The following PARP1 variants were observed in gnomAD, a reference collection of about 807,000 sequenced individuals.
PARP1 encodes poly [ADP-ribose] polymerase 1.
A neutral mutation model predicts 118.7 loss-of-function variants in PARP1; 44 were observed. The ratio of observed to expected loss-of-function variants is 0.37; its 90% CI spans 0.29 to 0.48. The LOEUF (loss-of-function observed/expected upper bound fraction) is 0.48. Among genes scored for constraint, PARP1 ranks in the 20% least tolerant of loss-of-function variants. PARP1 has a pLI of 0.99. For missense variants in PARP1, 1,100 were observed against 1,272.4 expected (o/e 0.86, Z 2.06); for synonymous variants, 492 against 483.2 (o/e 1.02, Z -0.24).
At position 226,380,078 on chromosome 1, in the gene PARP1, A is replaced by G. The variant is rs2102735591; in HGVS notation, c.1387T>C (p.Ser463Pro). Reference protein sequence around the residue: ...VVSEDFLQDVSASTKSLQELF... With the variant: ...VVSEDFLQDVPASTKSLQELF... Reference sequence around the variant, plus strand: ...TCCTGAAGGCTCTTGGTGGAGGCGGAGACGTCCTGGAGGAAGTCCTCAGAC... The same window carrying G: ...TCCTGAAGGCTCTTGGTGGAGGCGGGGACGTCCTGGAGGAAGTCCTCAGAC... Residue 463 changes from serine (S) to proline (P), a missense_variant, in exon 10 of 23, where the codon TCC (serine) becomes CCC (proline). By Grantham distance (74) the Ser-to-Pro change is moderately conservative. Around this residue, in one of 2 missense-constraint regions of PARP1, gnomAD observed 948 missense variants for 1,031.8 expected, o/e 0.92. Coordinates refer to ENST00000366794, the MANE Select transcript of PARP1 (RefSeq NM_001618.4). The G allele has an allele frequency of 3.1e-6, 5 of 1,614,212 alleles. No homozygotes were observed. Among genetic ancestry groups the G allele is most frequent in the Non-Finnish European group, 4.2e-6 (5 of 1,180,030 alleles).
At chr1:226,363,518 G>A (rs538714731) in intron 20 of PARP1, among the ~76,000 whole-genome samples, 2 of 152,296 alleles carry the variant, frequency 1.3e-5, no homozygotes, top group Admixed American at 6.5e-5. Context: ...GACTAGGGTC[G>A]ATGTCCAAAT....
Position 226,406,373 on chromosome 1 carries a change from C to A in PARP1, c.120+1437G>T, listed in dbSNP as rs1041278438. 2.6e-5 allele frequency among the ~76,000 whole-genome samples: 4 copies of A among 152,360 alleles called. No individual in the cohort carries two copies. The South Asian group carries it at 8.3e-4, about 32-fold the overall frequency. The stretch of plus-strand genomic sequence containing the variant: ...TGCACCAGGAGTGAGAACTTCATAA[C>A]AGGCTGCCTTGTATATTCAAAGTAA... On this transcript the variant is annotated intron_variant, in intron 1 of 22. Coordinates refer to ENST00000366794, the MANE Select transcript of PARP1 (RefSeq NM_001618.4).
At position 226,362,005 on chromosome 1, in the gene PARP1, GA is replaced by G. The variant is rs1232323718; in HGVS notation, c.2926del (p.Ser976HisfsTer4). The G allele has an allele frequency of 6.2e-7, 1 of 1,611,324 alleles. No homozygotes were observed. The highest frequency in any genetic ancestry group is 8.5e-7 in the Non-Finnish European group (1 of 1,177,428). On this transcript the variant is annotated frameshift_variant, in exon 22 of 23. Coordinates refer to ENST00000366794, the MANE Select transcript of PARP1 (RefSeq NM_001618.4). LOFTEE classifies it high-confidence loss of function. ...TAGAGAGGTGTCATTCACACCAGAT[GA>G]AATCCCGGTCCCAAGAGGAACGTCT... ...GVDVPLGTGI[S>X]SGVNDTSLLY...
intron 13 of PARP1, among the ~76,000 whole-genome samples, chr1:226,376,260 A>T (rs1337025646): frequency 6.6e-6 from 1 of 152,246 alleles, no homozygotes; most frequent in Non-Finnish European, 1.5e-5. Flanking sequence ...AAAAGTGATA[A>T]ATTTTCATTT....
intron 13 of PARP1, among the ~76,000 whole-genome samples, chr1:226,374,587 A>G (rs1426504554): frequency 6.6e-6 from 1 of 152,104 alleles, no homozygotes; most frequent in African/African-American, 2.4e-5. Context: ...GCTGCTCCAG[A>G]TTCTTATTCT....
chr1:226,403,685 T>C (rs1665083483), intron 1 of PARP1, among the ~76,000 whole-genome samples: 1 of 152,144 alleles, frequency 6.6e-6, no homozygotes, highest in African/African-American at 2.4e-5. Flanking sequence ...AGCAAATGAA[T>C]GATTTGACAC....
chr1:226,397,348 A>T (rs1664944144), intron 2 of PARP1, among the ~76,000 whole-genome samples: 1 of 152,022 alleles, frequency 6.6e-6, no homozygotes, highest in African/African-American at 2.4e-5. Context: ...TCACCCTCTG[A>T]ACCCTTTCTT....
At chr1:226,383,598 C>T (rs373340752) in intron 7 of PARP1, among the ~76,000 whole-genome samples, 1 of 152,124 alleles carries the variant, frequency 6.6e-6, no homozygotes, top group Admixed American at 6.5e-5. Flanking sequence ...ACTCCAAGAC[C>T]CCGAATACTA....
intron 10 of PARP1, 61 bp downstream of exon 10, chr1:226,379,861 A>G: frequency 6.2e-7 from 1 of 1,611,286 alleles, no homozygotes; most frequent in South Asian, 1.1e-5. Context: ...TCCGTGGACA[A>G]CAACCTGGCC....
chr1:226,382,257 C>T (rs187270028), intron 8 of PARP1, among the ~76,000 whole-genome samples: 115 of 152,338 alleles, frequency 7.5e-4, no homozygotes, highest in Middle Eastern at 3.4e-3. Flanking sequence ...CAAAAAAATA[C>T]GTTGCTCTCA....
intron 2 of PARP1, chr1:226,392,990 G>T: frequency 6.5e-7 from 1 of 1,534,930 alleles, no homozygotes; most frequent in South Asian, 1.3e-5. Context: ...TCTAGTAAGT[G>T]CATTAAGGAA....
intron 14 of PARP1, 103 bp downstream of exon 14, chr1:226,374,121 ATT>A: frequency 7.6e-7 from 1 of 1,323,544 alleles, no homozygotes; most frequent in Non-Finnish European, 1.1e-6. Context: ...CAGCCAATGT[ATT>A]GTTTTTGAAA....
At chr1:226,402,118 A>AAGC in intron 2 of PARP1, 96 bp downstream of exon 2, 1 of 1,608,364 alleles carries the variant, frequency 6.2e-7, no homozygotes. Flanking sequence ...GGGAGAGGGC[A>AAGC]AGCTGGGGGA....
intron 22 of PARP1, 133 bp from the exon 23 acceptor site, chr1:226,361,674 T>C (rs1664142390): frequency 1.4e-6 from 1 of 739,320 alleles, no homozygotes; most frequent in Non-Finnish European, 2.4e-6. Context: ...TGGGGCTGGG[T>C]TGCCTCATCT....
chr1:226,362,276 C>A, intron 21 of PARP1, 193 bp from the exon 22 acceptor site: 1 of 546,448 alleles, frequency 1.8e-6, no homozygotes, highest in Middle Eastern at 5.0e-4. Context: ...ACCTCCGCCT[C>A]CCGGATTCAA....
At chr1:226,369,907 G>A (rs1421339052) in intron 15 of PARP1, among the ~76,000 whole-genome samples, 4 of 149,980 alleles carry the variant, frequency 2.7e-5, no homozygotes, top group Admixed American at 6.7e-5. Flanking sequence ...AGTGAGCTGA[G>A]ATTGTGACAC....
intron 3 of PARP1, among the ~76,000 whole-genome samples, chr1:226,391,863 A>G (rs935477357): frequency 6.6e-6 from 1 of 152,192 alleles, no homozygotes; most frequent in African/African-American, 2.4e-5. Flanking sequence ...GGAGGCTCAT[A>G]ACAGGGTAAA....
chr1:226,389,495 G>C (rs1205823242), intron 4 of PARP1, among the ~76,000 whole-genome samples: 1 of 152,158 alleles, frequency 6.6e-6, no homozygotes, highest in Admixed American at 6.5e-5. Flanking sequence ...TCTGGTGATG[G>C]GCAAATGAAA....
chr1:226,379,059 T>G (rs1177739354), intron 12 of PARP1, 83 bp downstream of exon 12: 2 of 1,562,970 alleles, frequency 1.3e-6, no homozygotes, highest in Non-Finnish European at 1.8e-6. Context: ...CCTAACGGGT[T>G]TCACAAGGCT....
Sources: gnomAD v4.1 joint callset for allele counts (sites outside exome capture counted in the v4.1 genomes callset) on GRCh38, gnomAD v4.1.1 for gene constraint, gnomAD v4.1.1 regional missense constraint, MANE v1.5 for transcripts, NCBI Gene and HGNC (gene_info 2026-07-23, HGNC 2026-07-21) for gene names.